Variants in DLGAP2 observed in about 807,000 individuals in gnomAD.
The protein encoded by DLGAP2 is DLG associated protein 2.
DLGAP2 carries 26 observed loss-of-function variants against 100.3 expected under a neutral mutation model. The ratio of observed to expected loss-of-function variants is 0.26; its 90% CI spans 0.19 to 0.36. The LOEUF is 0.36. Ranked by LOEUF, DLGAP2 falls within the 10% of genes least tolerant of loss-of-function variation. The pLI is 1.00. For synonymous variants in DLGAP2, 886 were observed against 630.1 expected (o/e 1.41, Z -6.08); for missense variants, 1,858 against 1,453.2 (o/e 1.28, Z -4.53).
chr8:1,454,865 G>T (rs1798261685), intron 3 of DLGAP2, among the ~76,000 whole-genome samples: 1 of 152,152 alleles, frequency 6.6e-6, no homozygotes, highest in Non-Finnish European at 1.5e-5. Flanking sequence ...GCCTTTGGTG[G>T]TCCTGTGGCC....
chr8:746,956 C>A (rs769394420), intron 1 of DLGAP2, among the ~76,000 whole-genome samples: 4 of 152,146 alleles, frequency 2.6e-5, no homozygotes, highest in Non-Finnish European at 5.9e-5. Flanking sequence ...AGTAAGGAAA[C>A]CTTACTGTGA....
chr8:1,501,425 G>C lies in DLGAP2; in HGVS notation c.166G>C (p.Asp56His). ...CAGCTTTCCGGGGCCGGCAGAGGAG[G>C]ATCTAGGTAGAGTACAGACGTCAGC... is the stretch of plus-strand genomic sequence containing the variant. ...GISFPGPAEE[D>H]LDPQYSWSPT... Residue 56 changes from aspartate (D) to histidine (H), a missense_variant, in exon 4 of 15, where the codon GAT becomes CAT. Coordinates refer to ENST00000637795, the MANE Select transcript of DLGAP2 (RefSeq NM_001346810.2). The C allele has an allele frequency of 2.0e-6, 3 of 1,535,736 alleles. No individual in the cohort carries two copies. Among genetic ancestry groups the C allele is most frequent in the Non-Finnish European group, 2.6e-6 (3 of 1,146,738 alleles).
At chr8:899,500 G>T (rs1798209741) in intron 1 of DLGAP2, among the ~76,000 whole-genome samples, 1 of 152,232 alleles carries the variant, frequency 6.6e-6, no homozygotes, top group Non-Finnish European at 1.5e-5. Context: ...GAGGCAGAGG[G>T]GAGTTCTGGT....
intron 2 of DLGAP2, among the ~76,000 whole-genome samples, chr8:1,165,179 AG>A (rs1417937763): frequency 7.1e-5 from 1 of 14,056 alleles, no homozygotes; most frequent in African/African-American, 2.3e-4. Flanking sequence ...AGAGAGAGGG[AG>A]GGTGGGAGGG....
intron 8 of DLGAP2, among the ~76,000 whole-genome samples, chr8:1,664,315 C>A (rs542713881): frequency 6.6e-6 from 1 of 152,172 alleles, no homozygotes; most frequent in Middle Eastern, 3.2e-3. Flanking sequence ...TGTCCGCTGG[C>A]CCGTCCTACT....
chr8:1,185,640 C>A (rs1797482561), intron 2 of DLGAP2, among the ~76,000 whole-genome samples: 1 of 151,962 alleles, frequency 6.6e-6, no homozygotes, highest in Admixed American at 6.6e-5. Context: ...CCACACAATT[C>A]CAAAAGCAGT....
chr8:1,423,954 A>G (rs930419826), intron 3 of DLGAP2, among the ~76,000 whole-genome samples: 1 of 152,130 alleles, frequency 6.6e-6, no homozygotes, highest in Non-Finnish European at 1.5e-5. Flanking sequence ...AAATAGATGT[A>G]CTCTTGTGAT....
intron 6 of DLGAP2, among the ~76,000 whole-genome samples, chr8:1,584,826 C>T (rs373016791): frequency 2.3e-4 from 35 of 152,296 alleles, no homozygotes; most frequent in African/African-American, 8.4e-4. Flanking sequence ...GTGCTGTTTC[C>T]AGTATCTTAC....
In DLGAP2 at chr8:1,098,811, C is replaced by G. The variant is rs1204677254; in HGVS notation, c.74-160040C>G. 2.2e-5 allele frequency among the ~76,000 whole-genome samples: 3 copies of G among 134,718 alleles called. 1 individual carries two copies. Among genetic ancestry groups the G allele is most frequent in the Non-Finnish European group, 5.1e-5 (3 of 59,028 alleles). 88.4% of individuals were successfully genotyped at this position (134,718 alleles called of 152,430 possible). ...GGCCGCCCACGGACGCCGCCACCCA[C>G]TCCAGGCTCCCGGCCGCGCACGGAC... On this transcript the variant is annotated intron_variant, in intron 2 of 14. Transcript: ENST00000637795.
intron 2 of DLGAP2, among the ~76,000 whole-genome samples, chr8:1,054,494 A>C (rs1176678524): frequency 6.6e-6 from 1 of 152,238 alleles, no homozygotes; most frequent in East Asian, 1.9e-4. Flanking sequence ...AAGTGCTGTC[A>C]TTAAAGTAGT....
intron 10 of DLGAP2, among the ~76,000 whole-genome samples, chr8:1,671,010 T>C (rs1360325804): frequency 6.6e-6 from 1 of 152,212 alleles, no homozygotes; most frequent in Non-Finnish European, 1.5e-5. Context: ...GCCACGTCCC[T>C]GCCAGGCACC....
intron 2 of DLGAP2, among the ~76,000 whole-genome samples, chr8:1,224,089 G>A (rs764461604): frequency 3.9e-5 from 6 of 152,168 alleles, no homozygotes; most frequent in Non-Finnish European, 7.3e-5. Flanking sequence ...TTGTGGCATC[G>A]TGGCAGACAG....
intron 3 of DLGAP2, among the ~76,000 whole-genome samples, chr8:1,471,710 C>CAT (rs1798800176): frequency 6.6e-6 from 1 of 152,086 alleles, no homozygotes; most frequent in Non-Finnish European, 1.5e-5. Context: ...AAGAAGGGTT[C>CAT]ATATCCATCA....
At chr8:1,242,389 C>G (rs950465012) in intron 2 of DLGAP2, among the ~76,000 whole-genome samples, 12 of 152,206 alleles carry the variant, frequency 7.9e-5, no homozygotes, top group Non-Finnish European at 1.8e-4. Flanking sequence ...GGGCAAGGCC[C>G]CACATCACCA....
chr8:1,228,726 A>G lies in DLGAP2; in HGVS notation c.74-30125A>G, dbSNP rs534613746. On this transcript the variant is annotated intron_variant, in intron 2 of 14. Transcript: ENST00000637795. ...ATAGGTGCAGAAGAAGTATTTGACA[A>G]AATTCAACACCTCTTCATAACACTC... 3.9e-5 allele frequency among the ~76,000 whole-genome samples: 6 copies of G among 152,360 alleles called. No individual in the cohort carries two copies. The South Asian group carries it at 1.2e-3, about 32-fold the overall frequency.
chr8:790,065 C>G (rs1368363340), intron 1 of DLGAP2, among the ~76,000 whole-genome samples: 1 of 152,068 alleles, frequency 6.6e-6, no homozygotes, highest in South Asian at 2.1e-4. Flanking sequence ...ATCTTGGCTC[C>G]TGTTCTACAC....
chr8:1,422,904 G>C (rs765665044), intron 3 of DLGAP2, among the ~76,000 whole-genome samples: 3 of 152,166 alleles, frequency 2.0e-5, no homozygotes, highest in Admixed American at 6.5e-5. Flanking sequence ...GGAAGCTCCA[G>C]CTCCTTCCTC....
chr8:964,991 T>G (rs1799813610), intron 2 of DLGAP2, among the ~76,000 whole-genome samples: 1 of 151,542 alleles, frequency 6.6e-6, no homozygotes, highest in Non-Finnish European at 1.5e-5. Flanking sequence ...ACGGCACTGT[T>G]CACCTCACAT....
intron 6 of DLGAP2, among the ~76,000 whole-genome samples, chr8:1,584,584 G>A (rs1239711404): frequency 2.0e-5 from 3 of 152,164 alleles, no homozygotes; most frequent in Non-Finnish European, 4.4e-5. Context: ...CGTGCAGAGA[G>A]AGCATTTGCA....
Sources: allele counts gnomAD v4.1 joint callset (sites outside exome capture counted in the v4.1 genomes callset), GRCh38; gene constraint gnomAD v4.1.1; transcripts MANE v1.5; gene names NCBI Gene and HGNC (gene_info 2026-07-23, HGNC 2026-07-21).